Variants in DRP2 observed in about 807,000 individuals in gnomAD.
DRP2 encodes dystrophin related protein 2, also known as dystrophin-related protein 2.
In DRP2, 29 loss-of-function variants were observed where a neutral mutation model predicts 78.2. The ratio of observed to expected loss-of-function variants is 0.37; its 90% confidence interval spans 0.28 to 0.51. The LOEUF (loss-of-function observed/expected upper bound fraction) is 0.51, where lower values mean the gene tolerates loss of function less well. DRP2 is among the 20% of genes least tolerant of loss of function. DRP2 has a pLI of 0.94. For synonymous variants in DRP2, 290 were observed against 281.9 expected, an observed-to-expected ratio of 1.03 and a Z score of -0.29; for missense variants, 686 against 770.6, an observed-to-expected ratio of 0.89 and a Z score of 1.30.
chrX:101,253,689 A>G (rs1484885573), intron 17 of DRP2, among the ~76,000 whole-genome samples: 1 of 106,337 alleles, frequency 9.4e-6, no homozygotes, highest in South Asian at 4.2e-4. Context: ...AGTGTCTCCT[A>G]TTTTTCAACC....
chrX:101,228,549 A>T (rs766001568), intron 2 of DRP2, among the ~76,000 whole-genome samples: 13 of 111,785 alleles, frequency 1.2e-4, no homozygotes, highest in African/African-American at 4.2e-4. Context: ...ATTTGACTCT[A>T]GGTCTGTCTG....
rs1602930105 is a variant in DRP2, at chrX:101,250,313, A to G, written c.1541-110A>G. On this transcript the variant is annotated intron_variant, in intron 14 of 23. Coordinates refer to ENST00000395209, the MANE Select transcript of DRP2 (RefSeq NM_001939.3). ...TCTATGTAGTCCAGTTTGAAAAGTC[A>G]TTAGCTCAGTCTGTGCTCTTTCCCT... is the stretch of plus-strand genomic sequence containing the variant. 7.5e-6 allele frequency: 8 copies of G among 1,070,114 alleles called. No homozygotes were observed. The East Asian group carries it at 1.8e-4, about 24-fold the overall frequency. 88.2% of individuals were successfully genotyped at this position (1,070,114 alleles called of 1,213,427 possible).
At chrX:101,248,936 GC>G (rs1187818203) in intron 14 of DRP2, among the ~76,000 whole-genome samples, 1 of 112,241 alleles carries the variant, frequency 8.9e-6, no homozygotes, top group Non-Finnish European at 1.9e-5. Flanking sequence ...ATCAGGCTTA[GC>G]CCTCTTCCAG....
Position 101,256,203 on chromosome X carries a change from G to T in DRP2, c.2332G>T (p.Ala778Ser). Residue 778 changes from alanine to serine, a missense_variant, in exon 21 of 24, where the codon GCC becomes TCC. Ala to Ser is a moderately conservative substitution (Grantham distance 99). Coordinates refer to ENST00000395209, the MANE Select transcript of DRP2 (RefSeq NM_001939.3). ...AFGQQAPCSV[A>S]TESKGELQKI... The stretch of plus-strand genomic sequence containing the variant: ...TGGACAGCAGGCTCCATGCAGTGTG[G>T]CCACAGAAAGCAAAGGGGAGCTACA... 1 of 1,207,607 alleles carries T rather than the reference G, an allele frequency of 8.3e-7. No homozygotes were observed. The highest frequency in any genetic ancestry group is 1.1e-6 in the Non-Finnish European group (1 of 893,745).
At chrX:101,242,004 T>C in intron 7 of DRP2, 68 bp downstream of exon 7, 1 of 1,083,828 alleles carries the variant, frequency 9.2e-7, no homozygotes. Context: ...ACACTGACAA[T>C]GTTTCTGCTG....
chrX:101,240,530 C>T (rs1769409670), intron 6 of DRP2, among the ~76,000 whole-genome samples: 1 of 112,467 alleles, frequency 8.9e-6, no homozygotes, highest in African/African-American at 3.2e-5. Context: ...CCACTGCCCC[C>T]AGCCGACTGT....
At chrX:101,258,995 T>C (rs954218638) in intron 22 of DRP2, among the ~76,000 whole-genome samples, 2 of 111,886 alleles carry the variant, frequency 1.8e-5, no homozygotes, top group African/African-American at 6.5e-5. Flanking sequence ...CTTGTTACTT[T>C]TTGCACCTTT....
At chrX:101,245,247 C>G in intron 10 of DRP2, 141 bp from the exon 11 acceptor site, 4 of 818,476 alleles carry the variant, frequency 4.9e-6, no homozygotes, top group Admixed American at 2.8e-5. Context: ...AAAGGTGAAC[C>G]CTTGGGCTTT....
intron 21 of DRP2, among the ~76,000 whole-genome samples, chrX:101,257,447 AAAAG>A (rs1403214209): frequency 1.8e-5 from 2 of 108,751 alleles, no homozygotes; most frequent in East Asian, 2.9e-4. Context: ...AAAAAAAAAA[AAAAG>A]AGAGAGTAAG....
At chrX:101,253,436 C>T (rs1036563921) in intron 17 of DRP2, among the ~76,000 whole-genome samples, 2 of 107,946 alleles carry the variant, frequency 1.9e-5, no homozygotes, top group Non-Finnish European at 3.8e-5. Context: ...GCAGATGCTC[C>T]CAAAGCCCTG....
At chrX:101,242,042 C>CA in intron 7 of DRP2, 106 bp downstream of exon 7, 16 of 970,686 alleles carry the variant, frequency 1.6e-5, no homozygotes, top group Non-Finnish European at 2.2e-5. Context: ...GCCTGGACTA[C>CA]AACTGAGTTG....
In DRP2 at chrX:101,234,465, C is replaced by T. The variant is rs1355446786; in HGVS notation, c.118-1395C>T. Among the ~76,000 whole-genome samples the T allele has an allele frequency of 3.5e-5, 4 of 113,032 alleles. No individual in the cohort carries two copies. In the East Asian group the frequency reaches 8.4e-4, roughly 24 times the overall value. On this transcript the variant is annotated intron_variant, in intron 3 of 23. Coordinates refer to ENST00000395209, the MANE Select transcript of DRP2 (RefSeq NM_001939.3). The stretch of plus-strand genomic sequence containing the variant: ...CTCTGATTCACCAGCCAGGCCCTGA[C>T]ATAGCCGCCCCCTCCAGATTCCTGG...
intron 9 of DRP2, among the ~76,000 whole-genome samples, chrX:101,244,220 T>C (rs1361750877): frequency 9.0e-6 from 1 of 111,032 alleles, no homozygotes; most frequent in Non-Finnish European, 1.9e-5. Flanking sequence ...TGGAGGTACA[T>C]TGCAATAATC....
intron 3 of DRP2, 38 bp downstream of exon 3, chrX:101,231,802 A>G (rs766785937): frequency 1.8e-6 from 2 of 1,126,276 alleles, no homozygotes; most frequent in South Asian, 3.9e-5. Flanking sequence ...CTGTGGAGAA[A>G]GTGGACACAG....
chrX:101,260,562 C>T lies in DRP2; in HGVS notation c.2815C>T (p.His939Tyr), dbSNP rs768954011. The T allele has an allele frequency of 1.7e-6, 2 of 1,211,604 alleles. No homozygotes were observed. Among genetic ancestry groups the T allele is most frequent in the Admixed American group, 4.3e-5 (2 of 46,036 alleles). ...GGAGGACATCATGGAGAAACTCCGT[C>T]ATGCCTTCCCCAGTGTGCGAAGTTC... ...CLEDIMEKLR[H>Y]AFPSVRSSDV... is the part of the protein sequence containing the mutation. Residue 939 changes from histidine (H) to tyrosine (Y), a missense_variant, in exon 24 of 24, where the codon CAT becomes TAT. Coordinates refer to ENST00000395209, the MANE Select transcript of DRP2 (RefSeq NM_001939.3).
chrX:101,233,571 T>C (rs1306437955), intron 3 of DRP2, among the ~76,000 whole-genome samples: 1 of 112,250 alleles, frequency 8.9e-6, no homozygotes, highest in Non-Finnish European at 1.9e-5. Context: ...AGAACCCTTT[T>C]TGGTAAAAAC....
intron 4 of DRP2, 48 bp downstream of exon 4, chrX:101,236,071 C>T: frequency 8.5e-7 from 1 of 1,169,599 alleles, no homozygotes; most frequent in Non-Finnish European, 1.2e-6. Context: ...TGTTGGGCTC[C>T]TTTTGCTGCT....
intron 15 of DRP2, 93 bp from the exon 16 acceptor site, chrX:101,250,824 C>T: frequency 2.7e-6 from 3 of 1,107,749 alleles, no homozygotes; most frequent in South Asian, 4.1e-5. Flanking sequence ...CAACCCAGCC[C>T]CTGCTGGTTC....
At position 101,247,124 on chromosome X, in the gene DRP2, C is replaced by T. The variant is rs772007454; in HGVS notation, c.1212C>T (p.Arg404=). 41 of 1,208,922 alleles carry T rather than the reference C, an allele frequency of 3.4e-5. No individual in the cohort carries two copies. The African/African-American group carries it at 7.2e-4, about 21-fold the overall frequency. ...DLNNIKFSAY[R]TAMKLRRVQK... ...ACAACATTAAGTTCTCAGCTTATCG[C>T]ACTGCCATGAAACTCCGCAGAGTCC... Residue 404 remains arginine, a synonymous_variant, in exon 12 of 24, where the codon CGC becomes CGT. Coordinates refer to ENST00000395209, the MANE Select transcript of DRP2 (RefSeq NM_001939.3).
Sources: gnomAD v4.1 joint callset for allele counts (sites outside exome capture counted in the v4.1 genomes callset) on GRCh38, gnomAD v4.1.1 for gene constraint, MANE v1.5 for transcripts, NCBI Gene and HGNC (gene_info 2026-07-23, HGNC 2026-07-21) for gene names.